ADK: variants seen among roughly 807,000 people sequenced by gnomAD.
The protein encoded by ADK is N6,N6-dimethyladenosine kinase.
Under a neutral mutation model 44.7 loss-of-function variants are expected in ADK, and 24 were observed. That is an observed-to-expected ratio of 0.54 (90% CI 0.39 to 0.76). The LOEUF (loss-of-function observed/expected upper bound fraction) is 0.76. ADK is among the 30% of genes least tolerant of loss of function. ADK has a pLI of 0.00. For synonymous variants in ADK, 128 were observed against 142.6 expected, an observed-to-expected ratio of 0.90 and a Z score of 0.73; for missense variants, 321 against 425.1, an observed-to-expected ratio of 0.76 and a Z score of 2.15.
At chr10:74,267,464 A>AT (rs762575560) in intron 3 of ADK, among the ~76,000 whole-genome samples, 133 of 150,942 alleles carry the variant, frequency 8.8e-4, no homozygotes, top group Middle Eastern at 3.4e-3. Context: ...TTCCTGTTAC[A>AT]TTTTTTTTTA....
At chr10:74,349,814 CAAAG>C (rs1369107034) in intron 4 of ADK, among the ~76,000 whole-genome samples, 2 of 151,760 alleles carry the variant, frequency 1.3e-5, no homozygotes, top group African/African-American at 2.4e-5. Context: ...TCAAAAAAGA[CAAAG>C]AAGGGCATTA....
intron 4 of ADK, among the ~76,000 whole-genome samples, chr10:74,334,624 A>C (rs1841345549): frequency 6.6e-6 from 1 of 152,184 alleles, no homozygotes; most frequent in African/African-American, 2.4e-5. Flanking sequence ...ATCAAATCCC[A>C]GTCTCCATAA....
Position 74,314,734 on chromosome 10 carries a change from A to G in ADK, c.262A>G (p.Lys88Glu). The G allele has an allele frequency of 6.2e-7, 1 of 1,611,074 alleles. No individual in the cohort carries two copies. The highest frequency in any genetic ancestry group is 8.5e-7 in the Non-Finnish European group (1 of 1,177,542). ...HAGGSTQNSIKVAQWMIQQPH... is the reference protein window; with the variant it reads ...HAGGSTQNSIEVAQWMIQQPH... ...TGGTGGCTCTACCCAGAATTCAATT[A>G]AAGTGGCTCAGGTTGGTTAATTATT... Residue 88 changes from lysine (K) to glutamate (E), a missense_variant, in exon 4 of 11, where the codon AAA becomes GAA. Physicochemically the swap from Lys to Glu is moderately conservative, Grantham distance 56. Coordinates refer to ENST00000539909, the MANE Select transcript of ADK (RefSeq NM_006721.4).
intron 3 of ADK, among the ~76,000 whole-genome samples, chr10:74,255,853 G>C (rs576780721): frequency 4.6e-5 from 7 of 152,280 alleles, no homozygotes; most frequent in African/African-American, 1.7e-4. Context: ...CTTTGGCACT[G>C]TGGAACTTTA....
chr10:74,567,694 T>G (rs1044159142), intron 7 of ADK, among the ~76,000 whole-genome samples: 34 of 132,208 alleles, frequency 2.6e-4, no homozygotes, highest in African/African-American at 1.1e-3. Context: ...TTTTTTGTTT[T>G]TTTTGTTTTT....
In ADK at chr10:74,443,002, G is replaced by C. The variant is rs375766166; in HGVS notation, c.555+44423G>C. ...CAGGGTAGAAAGTGTGGTTGGGGGA[G>C]GGAAGAAGGGTAGTGGAATGATGGG... On this transcript the variant is annotated intron_variant, in intron 6 of 10. Coordinates refer to ENST00000539909, the MANE Select transcript of ADK (RefSeq NM_006721.4). 1.4e-4 allele frequency among the ~76,000 whole-genome samples: 21 copies of C among 152,252 alleles called. No homozygotes were observed. In the South Asian group the frequency reaches 4.4e-3, roughly 32 times the overall value.
At chr10:74,236,286 A>G (rs1158745952) in intron 3 of ADK, among the ~76,000 whole-genome samples, 2 of 152,220 alleles carry the variant, frequency 1.3e-5, no homozygotes, top group African/African-American at 4.8e-5. Flanking sequence ...TGAGGATAAG[A>G]AAGAACTGAA....
chr10:74,455,884 G>A (rs1018870430), intron 6 of ADK, among the ~76,000 whole-genome samples: 6 of 152,092 alleles, frequency 3.9e-5, no homozygotes, highest in Admixed American at 2.6e-4. Flanking sequence ...AGTCCCATGG[G>A]CTTCACTTTG....
chr10:74,387,998 C>G lies in ADK; in HGVS notation c.274-6143C>G, dbSNP rs545779222. Among the ~76,000 whole-genome samples, 145 of 152,238 alleles carry G rather than the reference C, an allele frequency of 9.5e-4. No homozygotes were observed. In the Middle Eastern group the frequency reaches 0.01, roughly 11 times the overall value. On this transcript the variant is annotated intron_variant, in intron 4 of 10. Transcript: ENST00000539909. ...TCTCGGCCCACTGCAACCTCCACCT[C>G]CTGGGTTCAAGCGATTCTCCTTACC...
At position 74,151,337 on chromosome 10, in the gene ADK, C is replaced by T. The variant is rs1331079622; in HGVS notation, c.59C>T (p.Ala20Val). The T allele has an allele frequency of 3.9e-6, 6 of 1,549,446 alleles. No homozygotes were observed. The African/African-American group carries it at 6.9e-5, about 18-fold the overall frequency. Residue 20 changes from alanine (A) to valine (V), a missense_variant, in exon 1 of 11, where the codon GCG (alanine) becomes GTG (valine). Transcript: ENST00000539909. ...AAGCTGAAGGTGGAGGCGCCGCAAG[C>T]GCTGAGGTGAGCGCTGCCGGACTTG... is the stretch of plus-strand genomic sequence containing the variant. ...PKKLKVEAPQ[A>V]LRENILFGMG... is the part of the protein sequence containing the mutation.
intron 6 of ADK, among the ~76,000 whole-genome samples, chr10:74,459,930 C>A (rs1367564797): frequency 6.6e-6 from 1 of 152,078 alleles, no homozygotes; most frequent in East Asian, 1.9e-4. Context: ...CCCACCCCAA[C>A]CCAAGCCTGT....
At chr10:74,221,060 G>C (rs1591880612) in intron 2 of ADK, among the ~76,000 whole-genome samples, 1 of 144,894 alleles carries the variant, frequency 6.9e-6, no homozygotes, top group South Asian at 2.2e-4. Context: ...TATTCAATTA[G>C]GAAAAGAGGA....
chr10:74,175,566 C>G (rs747536159), intron 1 of ADK, among the ~76,000 whole-genome samples: 1 of 152,238 alleles, frequency 6.6e-6, no homozygotes, highest in Non-Finnish European at 1.5e-5. Flanking sequence ...TGATTTCAGA[C>G]ATATGAAATT....
intron 9 of ADK, among the ~76,000 whole-genome samples, chr10:74,649,361 C>T (rs1854172801): frequency 6.6e-6 from 1 of 152,202 alleles, no homozygotes; most frequent in Non-Finnish European, 1.5e-5. Context: ...CACAGTGTCT[C>T]ACCCCTGTAT....
chr10:74,285,183 AAG>A (rs1295263691), intron 3 of ADK, among the ~76,000 whole-genome samples: 2 of 152,218 alleles, frequency 1.3e-5, no homozygotes, highest in Non-Finnish European at 2.9e-5. Context: ...AGGGACCTCT[AAG>A]AGCATAGAGG....
chr10:74,374,828 C>T (rs1306510448), intron 4 of ADK, among the ~76,000 whole-genome samples: 1 of 152,132 alleles, frequency 6.6e-6, no homozygotes, highest in Admixed American at 6.5e-5. Context: ...CTTCAAACTT[C>T]AAGAAACAGC....
chr10:74,267,583 C>G (rs1439173920), intron 3 of ADK, among the ~76,000 whole-genome samples: 1 of 152,066 alleles, frequency 6.6e-6, no homozygotes, highest in Non-Finnish European at 1.5e-5. Flanking sequence ...AACCCTAACT[C>G]ATACTGGCTT....
chr10:74,387,597 A>G (rs986017905), intron 4 of ADK, among the ~76,000 whole-genome samples: 5 of 152,298 alleles, frequency 3.3e-5, no homozygotes, highest in African/African-American at 1.2e-4. Flanking sequence ...TCAAAGACCA[A>G]TTGATACTGC....
rs145894057 is a variant in ADK, at chr10:74,442,867, T to C, written c.555+44288T>C. 3.9e-5 allele frequency among the ~76,000 whole-genome samples: 6 copies of C among 152,248 alleles called. No individual in the cohort carries two copies. The East Asian group carries it at 1.2e-3, about 29-fold the overall frequency. On this transcript the variant is annotated intron_variant, in intron 6 of 10. Transcript: ENST00000539909. ...GGAAATCCTGCCATTTGCAACAACA[T>C]AGGTGAACCTGCAGGACATTATGCT... is the stretch of plus-strand genomic sequence containing the variant.
Sources: gnomAD v4.1 joint callset for allele counts (sites outside exome capture counted in the v4.1 genomes callset) on GRCh38, gnomAD v4.1.1 for gene constraint, MANE v1.5 for transcripts, NCBI Gene and HGNC (gene_info 2026-07-23, HGNC 2026-07-21) for gene names.